CSMD3: variants seen among roughly 807,000 people sequenced by gnomAD.
CSMD3 encodes CUB and Sushi multiple domains 3.
CSMD3 carries 177 observed loss-of-function variants against 435.2 expected under a neutral mutation model. That is an observed-to-expected ratio of 0.41 (90% CI 0.36 to 0.46). CSMD3 has a LOEUF of 0.46. Among genes scored for constraint, CSMD3 ranks in the 20% least tolerant of loss-of-function variants. The pLI, the probability that CSMD3 is intolerant of heterozygous loss-of-function variation, is 0.34. For synonymous variants in CSMD3, 1,656 were observed against 1,520.5 expected (o/e 1.09, Z -2.07); for missense variants, 4,265 against 4,504.6 (o/e 0.95, Z 1.52).
chr8:112,444,487 C>T (rs1404468205), intron 32 of CSMD3, among the ~76,000 whole-genome samples: 8 of 152,060 alleles, frequency 5.3e-5, no homozygotes. Flanking sequence ...TAGATAAATG[C>T]CCTATGGTGC....
intron 7 of CSMD3, among the ~76,000 whole-genome samples, chr8:112,966,939 C>T (rs2084439907): frequency 1.3e-5 from 2 of 151,828 alleles, no homozygotes. Flanking sequence ...GAACAAAATC[C>T]TATGAGGAAT....
chr8:113,004,246 GC>G (rs1361513152), intron 6 of CSMD3, among the ~76,000 whole-genome samples: 1 of 151,926 alleles, frequency 6.6e-6, no homozygotes. Flanking sequence ...ATTGATTTTG[GC>G]CCACAGCCCT....
At chr8:112,953,621 T>A (rs2083905289) in intron 8 of CSMD3, among the ~76,000 whole-genome samples, 1 of 151,448 alleles carries the variant, frequency 6.6e-6, no homozygotes, top group Non-Finnish European at 1.5e-5. Context: ...TTGAAAATTA[T>A]GACACCATTA....
chr8:112,744,028 T>C (rs769458697), intron 13 of CSMD3, among the ~76,000 whole-genome samples: 46 of 152,060 alleles, frequency 3.0e-4, no homozygotes, highest in African/African-American at 4.3e-4. Context: ...ATATGCAGCA[T>C]ACTAAATATA....
chr8:113,296,505 C>T (rs963989401), intron 2 of CSMD3, among the ~76,000 whole-genome samples: 1 of 151,862 alleles, frequency 6.6e-6, no homozygotes, highest in Non-Finnish European at 1.5e-5. Flanking sequence ...GTCCAGGCAA[C>T]ACAGCGAGAC....
chr8:112,299,088 C>T (rs901974333), intron 53 of CSMD3, among the ~76,000 whole-genome samples: 1 of 151,964 alleles, frequency 6.6e-6, no homozygotes, highest in African/African-American at 2.4e-5. Context: ...TAAAAGAAGC[C>T]TTATACAAAA....
chr8:112,588,956 T>C (rs1830954996), intron 22 of CSMD3, among the ~76,000 whole-genome samples: 1 of 152,164 alleles, frequency 6.6e-6, no homozygotes, highest in South Asian at 2.1e-4. Context: ...ACAAATGTAA[T>C]CTGGATTACA....
chr8:112,911,148 T>A (rs941820097), intron 10 of CSMD3, among the ~76,000 whole-genome samples: 3 of 151,774 alleles, frequency 2.0e-5, no homozygotes, highest in African/African-American at 7.3e-5. Flanking sequence ...GTCATATTAC[T>A]TTTTACCTAA....
intron 28 of CSMD3, among the ~76,000 whole-genome samples, chr8:112,513,666 AG>A (rs1823372718): frequency 6.6e-6 from 1 of 152,238 alleles, no homozygotes; most frequent in South Asian, 2.1e-4. Context: ...TGCTTGGCAC[AG>A]GGTTGACAAA....
At chr8:112,330,025 G>C (rs1823885115) in intron 45 of CSMD3, among the ~76,000 whole-genome samples, 1 of 152,010 alleles carries the variant, frequency 6.6e-6, no homozygotes, top group African/African-American at 2.4e-5. Flanking sequence ...TACGGGTTCT[G>C]TGCTCTAGCT....
At chr8:112,531,095 C>G (rs1333383290) in intron 27 of CSMD3, among the ~76,000 whole-genome samples, 2 of 152,044 alleles carry the variant, frequency 1.3e-5, no homozygotes, top group Non-Finnish European at 2.9e-5. Context: ...AGTGCAGAGA[C>G]AAACAGAGAG....
Position 112,314,036 on chromosome 8 carries a change from A to T in CSMD3, c.7566T>A (p.Ser2522Arg), listed in dbSNP as rs2130832157. ...CCCCACTGAGGGAAATAAGCACTGG[A>T]CTTTGAATATTTGGTCCTTTGGGAA... ...LQVYDGPNIQ[S>R]PVLISLSGDY... The change falls in exon 49 of 71, where the codon AGT becomes AGA. Residue 2522 changes from serine to arginine, a missense_variant. Ser to Arg is a moderately radical substitution (Grantham distance 110, BLOSUM62 -1). Transcript: ENST00000297405. 6.2e-7 allele frequency: 1 copy of T among 1,609,156 alleles called. No homozygotes were observed.
At chr8:112,629,888 A>G (rs1186103862) in intron 22 of CSMD3, among the ~76,000 whole-genome samples, 2 of 152,140 alleles carry the variant, frequency 1.3e-5, no homozygotes, top group East Asian at 3.9e-4. Context: ...GTTACCTTCT[A>G]TAAAACTTCA....
chr8:113,298,868 C>T (rs2093741898), intron 2 of CSMD3, among the ~76,000 whole-genome samples: 1 of 151,992 alleles, frequency 6.6e-6, no homozygotes, highest in Non-Finnish European at 1.5e-5. Context: ...CCTAGAGCAG[C>T]GATCTGCACA....
intron 6 of CSMD3, among the ~76,000 whole-genome samples, chr8:112,999,091 T>C (rs1158969288): frequency 1.3e-5 from 2 of 151,934 alleles, no homozygotes; most frequent in Non-Finnish European, 2.9e-5. Context: ...GAATTCTCCA[T>C]ATGCCTGGAC....
At chr8:112,566,570 A>T (rs144276142) in intron 24 of CSMD3, among the ~76,000 whole-genome samples, 3,254 of 152,212 alleles carry the variant, frequency 0.021, 44 homozygotes, top group Non-Finnish European at 0.033. Context: ...AAAAGCGGCC[A>T]CCAAATCATT....
At chr8:112,449,413 T>C (rs1263524658) in intron 32 of CSMD3, among the ~76,000 whole-genome samples, 1 of 152,056 alleles carries the variant, frequency 6.6e-6, no homozygotes, top group Non-Finnish European at 1.5e-5. Flanking sequence ...TTGTGGTGTC[T>C]GGGAGTGAGG....
chr8:112,903,696 T>G (rs939444300), intron 10 of CSMD3, among the ~76,000 whole-genome samples: 1 of 151,378 alleles, frequency 6.6e-6, no homozygotes, highest in Admixed American at 6.6e-5. Context: ...ACCTGCTGGA[T>G]GTCTCTGACT....
chr8:112,541,110 C>T (rs1388649618), intron 27 of CSMD3, among the ~76,000 whole-genome samples: 1 of 151,364 alleles, frequency 6.6e-6, no homozygotes, highest in Non-Finnish European at 1.5e-5. Flanking sequence ...ACACGATATG[C>T]CAAAATGCAT....
Sources: allele counts gnomAD v4.1 joint callset (sites outside exome capture counted in the v4.1 genomes callset), GRCh38; gene constraint gnomAD v4.1.1; transcripts MANE v1.5; gene names NCBI Gene and HGNC (gene_info 2026-07-23, HGNC 2026-07-21).